TMEM135: variants seen among roughly 807,000 people sequenced by gnomAD.
TMEM135 encodes peroxisomal membrane protein 52.
Under a neutral mutation model 60.3 loss-of-function variants are expected in TMEM135, and 30 were observed. The observed-to-expected ratio is 0.50, with a 90% CI of 0.37 to 0.68. The LOEUF (loss-of-function observed/expected upper bound fraction) is 0.68, where lower values mean the gene tolerates loss of function less well. Ranked by LOEUF, TMEM135 falls within the 30% of genes least tolerant of loss-of-function variation. The pLI is 0.00. For missense variants in TMEM135, 468 were observed against 548.8 expected (o/e 0.85, Z 1.47); for synonymous variants, 190 against 186.7 (o/e 1.02, Z -0.14).
chr11:87,111,288 A>G (rs1451132956), intron 4 of TMEM135, among the ~76,000 whole-genome samples: 17 of 151,792 alleles, frequency 1.1e-4, no homozygotes, highest in Admixed American at 1.1e-3. Context: ...GGTTTTCTGT[A>G]TTTTTATTTA....
intron 4 of TMEM135, among the ~76,000 whole-genome samples, chr11:87,139,288 G>A (rs1175998552): frequency 6.6e-6 from 1 of 152,082 alleles, no homozygotes; most frequent in African/African-American, 2.4e-5. Flanking sequence ...GTAGTATTTT[G>A]AGAAAACAGC....
intron 1 of TMEM135, among the ~76,000 whole-genome samples, chr11:87,044,762 T>C (rs1439058269): frequency 2.0e-5 from 3 of 152,022 alleles, no homozygotes; most frequent in Non-Finnish European, 4.4e-5. Flanking sequence ...GCCCTTCTCC[T>C]GCCTCAGCCT....
At chr11:87,131,278 CA>C (rs1270960828) in intron 4 of TMEM135, among the ~76,000 whole-genome samples, 1 of 152,120 alleles carries the variant, frequency 6.6e-6, no homozygotes, top group Non-Finnish European at 1.5e-5. Flanking sequence ...TGGGTTTGGA[CA>C]AATACATAAT....
chr11:87,310,655 T>C (rs1254343165), intron 10 of TMEM135, among the ~76,000 whole-genome samples: 2 of 148,472 alleles, frequency 1.3e-5, no homozygotes, highest in African/African-American at 2.5e-5. Flanking sequence ...TTAGAACATA[T>C]ACACACACAG....
intron 5 of TMEM135, among the ~76,000 whole-genome samples, chr11:87,225,365 A>G (rs1940742906): frequency 6.6e-6 from 1 of 152,120 alleles, no homozygotes; most frequent in Non-Finnish European, 1.5e-5. Flanking sequence ...TAAGGACTTC[A>G]TATAACATGT....
chr11:87,054,692 T>G (rs1246168284), intron 1 of TMEM135, among the ~76,000 whole-genome samples: 3 of 152,222 alleles, frequency 2.0e-5, no homozygotes, highest in Non-Finnish European at 2.9e-5. Flanking sequence ...TAATCCACTT[T>G]GGGAGTTTCC....
Position 87,312,095 on chromosome 11 carries a change from A to G in TMEM135, c.937-1330A>G, listed in dbSNP as rs146519781. On this transcript the variant is annotated intron_variant, in intron 10 of 14. Coordinates refer to ENST00000305494, the MANE Select transcript of TMEM135 (RefSeq NM_022918.4). ...CATATAATGTATTATGTGTAAATAT[A>G]TATAGTTTATGATGTGATTGAGTTT... Among the ~76,000 whole-genome samples the G allele has an allele frequency of 6.2e-3, 930 of 150,934 alleles. 13 individuals carry two copies. Among genetic ancestry groups the G allele is most frequent in the African/African-American group, 0.021 (869 of 41,318 alleles).
intron 4 of TMEM135, among the ~76,000 whole-genome samples, chr11:87,099,551 A>T (rs936588383): frequency 1.3e-4 from 20 of 152,128 alleles, no homozygotes; most frequent in African/African-American, 4.8e-4. Context: ...ACCCCTGTTC[A>T]TGGTTTTTAG....
rs746665122 is a variant in TMEM135 at position 87,324,780 on chromosome 11, G to A, written c.*3447G>A. ...AGTAGTTTGACACAGCAACAAAGTT[G>A]TCCTTTGTTTCCCAAAGGCAAAAGT... On this transcript the variant is annotated 3_prime_UTR_variant, in exon 15 of 15. Transcript: ENST00000305494. The A allele has an allele frequency of 3.7e-5, 17 of 453,718 alleles. No individual in the cohort carries two copies. Among genetic ancestry groups the A allele is most frequent in the South Asian group, 2.5e-4 (16 of 64,454 alleles). The allele number at this position is 453,718 out of a possible 1,614,324, so 28.1% of individuals were successfully genotyped here.
At chr11:87,236,901 C>G (rs1280295991) in intron 6 of TMEM135, among the ~76,000 whole-genome samples, 1 of 151,728 alleles carries the variant, frequency 6.6e-6, no homozygotes, top group East Asian at 1.9e-4. Context: ...CCCCACCCCC[C>G]ATTCTATTTA....
At chr11:87,175,838 A>G (rs1244117388) in intron 5 of TMEM135, among the ~76,000 whole-genome samples, 1 of 146,690 alleles carries the variant, frequency 6.8e-6, no homozygotes, top group Non-Finnish European at 1.5e-5. Flanking sequence ...CACAGGCTTT[A>G]TTTAAGAAAC....
intron 5 of TMEM135, among the ~76,000 whole-genome samples, chr11:87,217,488 C>G (rs1324743249): frequency 1.3e-5 from 2 of 152,070 alleles, no homozygotes; most frequent in Non-Finnish European, 2.9e-5. Context: ...TAGAACTGTT[C>G]TAAAAAGGGA....
intron 12 of TMEM135, among the ~76,000 whole-genome samples, chr11:87,315,491 T>C (rs181379549): frequency 6.6e-6 from 1 of 152,028 alleles, no homozygotes; most frequent in East Asian, 1.9e-4. Flanking sequence ...ATCAGTGGGC[T>C]TAGGTGTTGA....
intron 5 of TMEM135, among the ~76,000 whole-genome samples, chr11:87,158,195 G>A (rs1404037929): frequency 6.6e-6 from 1 of 152,084 alleles, no homozygotes; most frequent in Non-Finnish European, 1.5e-5. Flanking sequence ...CAGAGTGCCG[G>A]CATTACAGGC....
intron 5 of TMEM135, among the ~76,000 whole-genome samples, chr11:87,207,178 CT>C (rs950644365): frequency 2.6e-5 from 4 of 152,276 alleles, no homozygotes; most frequent in Middle Eastern, 3.4e-3. Context: ...GAACATGCAA[CT>C]CAGATATATT....
intron 4 of TMEM135, among the ~76,000 whole-genome samples, chr11:87,146,845 A>G (rs989823451): frequency 2.0e-5 from 3 of 151,948 alleles, no homozygotes; most frequent in Admixed American, 6.6e-5. Context: ...TGACCTGCCT[A>G]AGGTTGCCCA....
At chr11:87,183,557 G>A (rs17820908) in intron 5 of TMEM135, among the ~76,000 whole-genome samples, 20,139 of 152,048 alleles carry the variant, frequency 0.13, 1,398 homozygotes, top group Non-Finnish European at 0.15. Context: ...AAAGGACATT[G>A]CGGTTAAATT....
chr11:87,309,816 T>C, intron 10 of TMEM135, 144 bp downstream of exon 10: 1 of 870,774 alleles, frequency 1.1e-6, no homozygotes, highest in Non-Finnish European at 1.7e-6. Context: ...ATCTATACAA[T>C]ATATTGGGAA....
At chr11:87,117,043 T>C (rs1857906115) in intron 4 of TMEM135, among the ~76,000 whole-genome samples, 1 of 152,078 alleles carries the variant, frequency 6.6e-6, no homozygotes, top group Non-Finnish European at 1.5e-5. Context: ...GGCTGGTCTC[T>C]AACTTCTGAC....
Sources: allele counts gnomAD v4.1 joint callset (sites outside exome capture counted in the v4.1 genomes callset), GRCh38; gene constraint gnomAD v4.1.1; transcripts MANE v1.5; gene names NCBI Gene and HGNC (gene_info 2026-07-23, HGNC 2026-07-21).